Variants in TPD52 observed in about 807,000 individuals in gnomAD.
The protein encoded by TPD52 is tumor protein D52, also known as prostate and colon associated protein.
A neutral mutation model predicts 31.3 loss-of-function variants in TPD52; 17 were observed. The ratio of observed to expected loss-of-function variants is 0.54; its 90% confidence interval spans 0.37 to 0.82. The LOEUF (loss-of-function observed/expected upper bound fraction) is 0.82, where lower values mean the gene tolerates loss of function less well. TPD52 is among the 40% of genes least tolerant of loss of function. The probability of loss-of-function intolerance (pLI) is 0.00; values close to 1 mark genes in which losing one functional copy is unlikely to be tolerated. For synonymous variants in TPD52, 83 were observed against 89.6 expected, an observed-to-expected ratio of 0.93 and a Z score of 0.42; for missense variants, 212 against 240.1, an observed-to-expected ratio of 0.88 and a Z score of 0.77.
intron 1 of TPD52, among the ~76,000 whole-genome samples, chr8:80,148,254 G>A (rs1810335499): frequency 6.6e-6 from 1 of 151,862 alleles, no homozygotes; most frequent in Admixed American, 6.6e-5. Flanking sequence ...CCGGGCTCAA[G>A]TGATCCTCCT....
At chr8:80,153,967 G>A (rs188808973) in intron 1 of TPD52, among the ~76,000 whole-genome samples, 44 of 152,252 alleles carry the variant, frequency 2.9e-4, no homozygotes, top group African/African-American at 1.0e-3. Flanking sequence ...CTCTTCAACA[G>A]CAGAAAGGCC....
intron 1 of TPD52, among the ~76,000 whole-genome samples, chr8:80,096,817 GAC>G (rs1816777158): frequency 6.6e-6 from 1 of 152,128 alleles, no homozygotes; most frequent in South Asian, 2.1e-4. Context: ...TATTTGATGA[GAC>G]ACAACAATAT....
At chr8:80,054,117 G>A (rs1335459665) in intron 2 of TPD52, among the ~76,000 whole-genome samples, 1 of 152,174 alleles carries the variant, frequency 6.6e-6, no homozygotes, top group Non-Finnish European at 1.5e-5. Context: ...CCCATCAAGA[G>A]CCAGTGGATG....
At chr8:80,142,949 T>A (rs956205432) in intron 1 of TPD52, among the ~76,000 whole-genome samples, 1 of 152,142 alleles carries the variant, frequency 6.6e-6, no homozygotes, top group Non-Finnish European at 1.5e-5. Context: ...GAGGTAAAAG[T>A]AGGTAGTTCA....
intron 1 of TPD52, chr8:80,171,186 C>T (rs999355836): frequency 1.1e-5 from 8 of 700,768 alleles, no homozygotes; most frequent in East Asian, 5.5e-5. Flanking sequence ...CTCTCCCTCT[C>T]CCCCACACAC....
chr8:80,120,599 A>G (rs1808196553), intron 1 of TPD52, among the ~76,000 whole-genome samples: 1 of 152,228 alleles, frequency 6.6e-6, no homozygotes, highest in African/African-American at 2.4e-5. Flanking sequence ...TGCTGCTTTA[A>G]TCTTTGAAAT....
intron 1 of TPD52, among the ~76,000 whole-genome samples, chr8:80,081,760 G>C (rs766668840): frequency 2.7e-5 from 4 of 150,704 alleles, no homozygotes; most frequent in Non-Finnish European, 5.9e-5. Context: ...GATTTTATTT[G>C]TTATTTTTGT....
chr8:80,089,273 G>T (rs1214296478), intron 1 of TPD52, among the ~76,000 whole-genome samples: 1 of 152,312 alleles, frequency 6.6e-6, no homozygotes, highest in African/African-American at 2.4e-5. Context: ...GGACTTGGGT[G>T]ACGGGCAATG....
At chr8:80,050,579 T>C (rs917683945) in intron 4 of TPD52, 108 bp from the exon 5 acceptor site, 1 of 1,027,372 alleles carries the variant, frequency 9.7e-7, no homozygotes, top group South Asian at 1.6e-5. Flanking sequence ...GGCTCTAAAC[T>C]GCTACACAAT....
At chr8:80,034,407 C>G (rs890327672), downstream of TPD52, among the ~76,000 whole-genome samples, 6 of 152,160 alleles carry the variant, frequency 3.9e-5, no homozygotes. Flanking sequence ...GCCACTTCTG[C>G]AGAGCCTGCA....
At chr8:80,135,872 T>C (rs1158041911) in intron 1 of TPD52, among the ~76,000 whole-genome samples, 2 of 138,926 alleles carry the variant, frequency 1.4e-5, no homozygotes, top group Admixed American at 7.6e-5. Context: ...CTCAGTAAAC[T>C]ATCACAAGAA....
At chr8:80,060,812 C>T (rs1812437782) in intron 2 of TPD52, among the ~76,000 whole-genome samples, 1 of 149,102 alleles carries the variant, frequency 6.7e-6, no homozygotes, top group Non-Finnish European at 1.5e-5. Context: ...TAAAAGAGAA[C>T]TTCCTCAACG....
chr8:80,072,798 C>CACATATATATATATATATATATATATAT (rs977939775), intron 1 of TPD52, among the ~76,000 whole-genome samples: 7 of 141,076 alleles, frequency 5.0e-5, no homozygotes, highest in African/African-American at 2.1e-4. Context: ...CACACACACA[C>CACATATATATATATATATATATATATAT]ATATATATAT....
intron 1 of TPD52, among the ~76,000 whole-genome samples, chr8:80,129,197 T>G (rs1808845687): frequency 6.6e-6 from 1 of 152,174 alleles, no homozygotes; most frequent in Non-Finnish European, 1.5e-5. Flanking sequence ...TCATATCTGC[T>G]TGCCTCAGAA....
chr8:80,094,452 A>T (rs1383423915), intron 1 of TPD52, among the ~76,000 whole-genome samples: 1 of 69,516 alleles, frequency 1.4e-5, no homozygotes, highest in Non-Finnish European at 2.8e-5. Context: ...ATATATATAT[A>T]TATATATATA....
intron 1 of TPD52, among the ~76,000 whole-genome samples, chr8:80,070,879 G>T (rs1300863612): frequency 1.3e-5 from 2 of 152,142 alleles, no homozygotes; most frequent in African/African-American, 4.8e-5. Flanking sequence ...TTGGAAACAG[G>T]ATTTCTGCAG....
chr8:80,129,641 G>A (rs1563647693), intron 1 of TPD52, among the ~76,000 whole-genome samples: 1 of 151,378 alleles, frequency 6.6e-6, no homozygotes, highest in Non-Finnish European at 1.5e-5. Flanking sequence ...ACTGACTTTA[G>A]CAATTAGAAA....
chr8:80,090,102 G>A (rs1816138390), intron 1 of TPD52, among the ~76,000 whole-genome samples: 1 of 152,094 alleles, frequency 6.6e-6, no homozygotes. Flanking sequence ...GTTTTAAAAA[G>A]TATTTTAGGC....
chr8:80,078,477 A>G (rs1377532913), intron 1 of TPD52, among the ~76,000 whole-genome samples: 1 of 152,248 alleles, frequency 6.6e-6, no homozygotes, highest in Admixed American at 6.5e-5. Flanking sequence ...CACATTATTC[A>G]TTCCATCGAC....
Sources: gnomAD v4.1 joint callset for allele counts (sites outside exome capture counted in the v4.1 genomes callset) on GRCh38, gnomAD v4.1.1 for gene constraint, MANE v1.5 for transcripts, NCBI Gene and HGNC (gene_info 2026-07-23, HGNC 2026-07-21) for gene names.